SLC6A11: variants seen among roughly 807,000 people sequenced by gnomAD.
SLC6A11 encodes sodium- and chloride-dependent GABA transporter 3.
In SLC6A11, 25 loss-of-function variants were observed where a neutral mutation model predicts 74.8. The observed-to-expected ratio is 0.33, with a 90% CI of 0.24 to 0.47. The LOEUF (loss-of-function observed/expected upper bound fraction) is 0.47, where lower values mean the gene tolerates loss of function less well. Ranked by LOEUF, SLC6A11 falls within the 20% of genes least tolerant of loss-of-function variation. The probability of loss-of-function intolerance (pLI) is 1.00; values close to 1 mark genes in which losing one functional copy is unlikely to be tolerated. For synonymous variants in SLC6A11, 330 were observed against 330.2 expected (o/e 1.00, Z 0.01); for missense variants, 574 against 837.0 (o/e 0.69, Z 3.88).
At chr3:10,899,682 C>A (rs1359912315) in intron 6 of SLC6A11, among the ~76,000 whole-genome samples, 2 of 152,240 alleles carry the variant, frequency 1.3e-5, no homozygotes, top group African/African-American at 4.8e-5. Context: ...TTTCTGCCAG[C>A]CTTCCAGGCC....
chr3:10,940,521 G>C lies in SLC6A11; in HGVS notation c.*2119G>C, dbSNP rs1221546893. The C allele has an allele frequency of 6.6e-6, 1 of 151,826 alleles. No individual in the cohort carries two copies. Among genetic ancestry groups the C allele is most frequent in the African/African-American group, 2.4e-5 (1 of 41,280 alleles). 9.4% of individuals were successfully genotyped at this position (151,826 alleles called of 1,614,324 possible). ...TGGGGGTGGGGAGGGCAATGTGGGG[G>C]CAGGGGAACATGTCATTGTGATGAC... On this transcript the variant is annotated 3_prime_UTR_variant, in exon 14 of 14. Transcript: ENST00000254488.
At chr3:10,851,091 T>TC (rs1295591541) in intron 5 of SLC6A11, among the ~76,000 whole-genome samples, 1 of 151,794 alleles carries the variant, frequency 6.6e-6, no homozygotes, top group Non-Finnish European at 1.5e-5. Flanking sequence ...AGTCAGAGTG[T>TC]CCCCCCACGC....
rs1459440815 is a variant in SLC6A11, at chr3:10,816,248, G to T, written c.-18G>T. 9.2e-6 allele frequency: 12 copies of T among 1,306,432 alleles called. No individual in the cohort carries two copies. In the South Asian group the frequency reaches 1.5e-4, roughly 16 times the overall value. 80.9% of individuals were successfully genotyped at this position (1,306,432 alleles called of 1,614,324 possible). On this transcript the variant is annotated 5_prime_UTR_variant, in exon 1 of 14. Coordinates refer to ENST00000254488, the MANE Select transcript of SLC6A11 (RefSeq NM_014229.3). This position sits in a 1 kb window ranked among gnomAD's most constrained non-coding sequence, Gnocchi z 4.2. ...GCGGCGCAGAGCCGGGCCGGCGCAC[G>T]AGGCAGCCAGCGCGGCCATGACGGC...
At chr3:10,844,082 A>C (rs1489895985) in intron 4 of SLC6A11, 132 bp from the exon 5 acceptor site, 1 of 1,063,248 alleles carries the variant, frequency 9.4e-7, no homozygotes, top group East Asian at 2.6e-5. Flanking sequence ...AGTCCTCCCC[A>C]GAGGAGACAT....
intron 5 of SLC6A11, among the ~76,000 whole-genome samples, chr3:10,862,073 TA>T (rs941684162): frequency 8.5e-5 from 13 of 152,084 alleles, no homozygotes; most frequent in African/African-American, 2.9e-4. Flanking sequence ...TTTAAGGGAG[TA>T]AGAGGACATG....
chr3:10,820,387 T>G (rs925836526), intron 3 of SLC6A11, among the ~76,000 whole-genome samples: 2 of 152,200 alleles, frequency 1.3e-5, no homozygotes, highest in Admixed American at 6.5e-5. Flanking sequence ...CAGCCTATCT[T>G]AAAAACTTAA....
At chr3:10,922,772 C>T (rs554351775) in intron 8 of SLC6A11, among the ~76,000 whole-genome samples, 6 of 152,118 alleles carry the variant, frequency 3.9e-5, no homozygotes, top group African/African-American at 1.2e-4. Context: ...AACTGTACTA[C>T]AAATGAAAAC....
At chr3:10,867,473 C>A (rs1029582140) in intron 5 of SLC6A11, among the ~76,000 whole-genome samples, 2 of 152,158 alleles carry the variant, frequency 1.3e-5, no homozygotes, top group Non-Finnish European at 2.9e-5. Context: ...ATTTCTGGCA[C>A]CCAGTAGGTG....
chr3:10,899,746 AT>A (rs1695215243), intron 6 of SLC6A11, among the ~76,000 whole-genome samples: 1 of 152,192 alleles, frequency 6.6e-6, no homozygotes, highest in Non-Finnish European at 1.5e-5. Flanking sequence ...GTATGGTGTC[AT>A]TTTCCTCCTT....
In SLC6A11 at chr3:10,926,201, A is replaced by G. The variant is rs1340745174; in HGVS notation, c.1233+85A>G. 3 of 803,972 alleles carry G rather than the reference A, an allele frequency of 3.7e-6. No individual in the cohort carries two copies. The highest frequency in any genetic ancestry group is 3.4e-5 in the African/African-American group (2 of 57,976). The allele number at this position is 803,972 out of a possible 1,614,324, so 49.8% of individuals were successfully genotyped here. On this transcript the variant is annotated intron_variant, in intron 9 of 13. Coordinates refer to ENST00000254488, the MANE Select transcript of SLC6A11 (RefSeq NM_014229.3). This position sits in a 1 kb window ranked among gnomAD's most constrained non-coding sequence, Gnocchi z 5.7. ...ACGCCACCCTTAGGAGTGGCTCCCC[A>G]GGCCCAGCCACTCCCACCTGGCCCT...
At chr3:10,820,596 T>G (rs1694125890) in intron 3 of SLC6A11, among the ~76,000 whole-genome samples, 1 of 152,224 alleles carries the variant, frequency 6.6e-6, no homozygotes, top group Admixed American at 6.5e-5. Context: ...GAATGGATAA[T>G]CTTTTAGATT....
At position 10,873,991 on chromosome 3, in the gene SLC6A11, C is replaced by T. The variant is rs6770380; in HGVS notation, c.757-970C>T. On this transcript the variant is annotated intron_variant, in intron 5 of 13. Coordinates refer to ENST00000254488, the MANE Select transcript of SLC6A11 (RefSeq NM_014229.3). The stretch of plus-strand genomic sequence containing the variant: ...TGCTATGCTACGCTACGCTACGCTA[C>T]GCTATGCTATGCTATGCTATGCTAT... 2.4e-4 allele frequency among the ~76,000 whole-genome samples: 33 copies of T among 136,470 alleles called. 1 individual carries two copies. The highest frequency in any genetic ancestry group is 1.2e-3 in the Admixed American group (17 of 14,512). The allele number at this position is 136,470 out of a possible 152,430, so 89.5% of individuals were successfully genotyped here.
chr3:10,840,250 T>C (rs1447788671), intron 4 of SLC6A11, among the ~76,000 whole-genome samples: 2 of 152,208 alleles, frequency 1.3e-5, no homozygotes, highest in Non-Finnish European at 2.9e-5. Context: ...TGCCCTTCTT[T>C]GGCCTCGTGG....
chr3:10,902,359 C>G (rs928860348), intron 6 of SLC6A11, among the ~76,000 whole-genome samples: 1 of 152,232 alleles, frequency 6.6e-6, no homozygotes, highest in African/African-American at 2.4e-5. Context: ...GCATGTGTAT[C>G]TGCTTTAGTG....
intron 10 of SLC6A11, among the ~76,000 whole-genome samples, chr3:10,932,263 G>A (rs1301944081): frequency 4.6e-5 from 7 of 152,086 alleles, no homozygotes; most frequent in Admixed American, 3.9e-4. Context: ...GTATGCTACA[G>A]AGCTGGTCTG....
intron 9 of SLC6A11, among the ~76,000 whole-genome samples, chr3:10,927,079 G>T (rs1288570996): frequency 6.6e-6 from 1 of 152,202 alleles, no homozygotes; most frequent in Non-Finnish European, 1.5e-5. Flanking sequence ...GAGTCACTTG[G>T]CACCCAAGCC....
At chr3:10,832,812 G>A (rs1459889428) in intron 4 of SLC6A11, among the ~76,000 whole-genome samples, 6 of 152,174 alleles carry the variant, frequency 3.9e-5, no homozygotes, top group Non-Finnish European at 8.8e-5. Context: ...GTGAACACTC[G>A]ATTTCTTTAG....
chr3:10,894,540 A>G (rs947706886), intron 6 of SLC6A11, among the ~76,000 whole-genome samples: 1 of 152,246 alleles, frequency 6.6e-6, no homozygotes, highest in African/African-American at 2.4e-5. Context: ...GGCAATGCAC[A>G]GAAAGACAAA....
chr3:10,874,927 C>A (rs745465208), intron 5 of SLC6A11, 34 bp from the exon 6 acceptor site: 1 of 1,575,262 alleles, frequency 6.3e-7, no homozygotes, highest in East Asian at 2.3e-5. Flanking sequence ...GCTCTCACCC[C>A]CTTCTTGATT....
Sources: gnomAD v4.1 joint callset for allele counts (sites outside exome capture counted in the v4.1 genomes callset) on GRCh38, gnomAD v4.1.1 for gene constraint, Gnocchi (gnomAD v3.1) non-coding constraint, MANE v1.5 for transcripts, NCBI Gene and HGNC (gene_info 2026-07-23, HGNC 2026-07-21) for gene names.